SLC24A2: variants seen among roughly 807,000 people sequenced by gnomAD.
SLC24A2 encodes the protein sodium/potassium/calcium exchanger 2.
A neutral mutation model predicts 62.0 loss-of-function variants in SLC24A2; 36 were observed. The observed-to-expected ratio is 0.58, with a 90% confidence interval of 0.44 to 0.77. The LOEUF (loss-of-function observed/expected upper bound fraction) is 0.77, where lower values mean the gene tolerates loss of function less well. Ranked by LOEUF, SLC24A2 falls within the 30% of genes least tolerant of loss-of-function variation. SLC24A2 has a pLI of 0.00. For missense variants in SLC24A2, 846 were observed against 817.9 expected (o/e 1.03, Z -0.42); for synonymous variants, 358 against 294.0 (o/e 1.22, Z -2.23).
At chr9:19,848,159 T>C in the SLC24A2 span, among the ~76,000 whole-genome samples, 2 of 126,716 alleles carry the variant, frequency 1.6e-5, no homozygotes, top group African/African-American at 5.0e-5. Flanking sequence ...AATACTAAAC[T>C]TGTATAGAAG....
At chr9:19,625,408 T>C (rs1403327055) in intron 2 of SLC24A2, among the ~76,000 whole-genome samples, 2 of 152,218 alleles carry the variant, frequency 1.3e-5, no homozygotes, top group Admixed American at 6.5e-5. Context: ...TCTTTGAGGA[T>C]TGTTTAAAAG....
At chr9:20,261,281 T>C in the SLC24A2 span, among the ~76,000 whole-genome samples, 1 of 152,256 alleles carries the variant, frequency 6.6e-6, no homozygotes, top group African/African-American at 2.4e-5. Flanking sequence ...GACTTCATAA[T>C]TTAAAAAAAA....
chr9:19,697,087 C>A lies in SLC24A2; in HGVS notation c.931-74788G>T, dbSNP rs1820215239. Among the ~76,000 whole-genome samples the A allele has an allele frequency of 2.0e-5, 3 of 151,936 alleles. No homozygotes were observed. In the South Asian group the frequency reaches 6.2e-4, roughly 32 times the overall value. ...ATTTGAAATATTTAGCAGTTATGAT[C>A]CACAATAACAATTCTAGGAAATTAA... is the stretch of plus-strand genomic sequence containing the variant. On this transcript the variant is annotated intron_variant, in intron 2 of 10. Coordinates refer to ENST00000341998, the MANE Select transcript of SLC24A2 (RefSeq NM_020344.4).
chr9:19,827,196 C>T, the SLC24A2 span, among the ~76,000 whole-genome samples: 2 of 152,058 alleles, frequency 1.3e-5, no homozygotes, highest in African/African-American at 4.8e-5. Context: ...AGGAATAGGC[C>T]GTGCATCAGC....
chr9:19,732,661 C>T (rs1474657464), intron 2 of SLC24A2, among the ~76,000 whole-genome samples: 2 of 152,052 alleles, frequency 1.3e-5, no homozygotes, highest in Non-Finnish European at 2.9e-5. Flanking sequence ...GCTACCTCTC[C>T]CCCGTGTCTG....
intron 2 of SLC24A2, among the ~76,000 whole-genome samples, chr9:19,646,812 C>G (rs1182578589): frequency 1.3e-5 from 2 of 152,076 alleles, no homozygotes; most frequent in Non-Finnish European, 2.9e-5. Flanking sequence ...GTATTTCCCA[C>G]TGCAATTCCT....
At chr9:19,644,942 A>G (rs935580946) in intron 2 of SLC24A2, among the ~76,000 whole-genome samples, 9 of 152,172 alleles carry the variant, frequency 5.9e-5, no homozygotes, top group Non-Finnish European at 1.3e-4. Context: ...TCATGCATTA[A>G]GCATAAATTG....
At chr9:19,888,830 G>C in the SLC24A2 span, among the ~76,000 whole-genome samples, 1 of 152,290 alleles carries the variant, frequency 6.6e-6, no homozygotes, top group Admixed American at 6.5e-5. Context: ...ATGAAGGGTA[G>C]AATGGGACAG....
At chr9:19,844,183 A>G in the SLC24A2 span, among the ~76,000 whole-genome samples, 5 of 152,194 alleles carry the variant, frequency 3.3e-5, no homozygotes, top group Non-Finnish European at 5.9e-5. Context: ...CCTTGCCAGC[A>G]TCTGTTGTTT....
chr9:20,020,409 A>G, the SLC24A2 span, among the ~76,000 whole-genome samples: 1 of 152,226 alleles, frequency 6.6e-6, no homozygotes, highest in Non-Finnish European at 1.5e-5. Context: ...GGATGAGTTC[A>G]TGTCCTTTGC....
chr9:20,009,999 A>G, the SLC24A2 span, among the ~76,000 whole-genome samples: 1 of 152,188 alleles, frequency 6.6e-6, no homozygotes. Flanking sequence ...AATACTGTCT[A>G]GCCAGGGAAG....
At chr9:20,250,750 A>C in the SLC24A2 span, among the ~76,000 whole-genome samples, 1 of 152,192 alleles carries the variant, frequency 6.6e-6, no homozygotes, top group Non-Finnish European at 1.5e-5. Flanking sequence ...AGAAAGAGAA[A>C]TCTAAAATCT....
At chr9:19,655,978 A>C (rs1324465869) in intron 2 of SLC24A2, among the ~76,000 whole-genome samples, 1 of 152,140 alleles carries the variant, frequency 6.6e-6, no homozygotes, top group Non-Finnish European at 1.5e-5. Context: ...ACAGGTAGTC[A>C]TTTGTTCTAA....
At chr9:19,581,992 C>A (rs1390552144) in intron 5 of SLC24A2, among the ~76,000 whole-genome samples, 1 of 152,122 alleles carries the variant, frequency 6.6e-6, no homozygotes, top group African/African-American at 2.4e-5. Flanking sequence ...TCAGAAATAG[C>A]AAACTGCTCA....
At chr9:20,217,590 T>A in the SLC24A2 span, among the ~76,000 whole-genome samples, 77 of 152,314 alleles carry the variant, frequency 5.1e-4, 1 homozygote, top group African/African-American at 1.8e-3. Context: ...TTTCTTATTT[T>A]ATGGCACACA....
At chr9:19,745,470 A>G (rs771502471) in intron 2 of SLC24A2, among the ~76,000 whole-genome samples, 4 of 152,172 alleles carry the variant, frequency 2.6e-5, no homozygotes, top group Non-Finnish European at 4.4e-5. Context: ...GGGACCTGCT[A>G]GAACTGCAGA....
upstream of SLC24A2, among the ~76,000 whole-genome samples, chr9:19,792,143 G>T (rs1473663200): frequency 6.6e-6 from 1 of 152,110 alleles, no homozygotes; most frequent in Non-Finnish European, 1.5e-5. Context: ...ATCTAGGCTG[G>T]CATGATTTAA....
chr9:19,660,774 C>G (rs907771111), intron 2 of SLC24A2, among the ~76,000 whole-genome samples: 1 of 152,190 alleles, frequency 6.6e-6, no homozygotes, highest in Non-Finnish European at 1.5e-5. Context: ...ACAACCAACA[C>G]CCCCAGCTTT....
chr9:19,622,833 G>T (rs927627678), intron 2 of SLC24A2, among the ~76,000 whole-genome samples: 1 of 151,944 alleles, frequency 6.6e-6, no homozygotes, highest in Admixed American at 6.6e-5. Flanking sequence ...TGTTTTGGGG[G>T]GAGTCAGCAT....
Sources: gnomAD v4.1 joint callset for allele counts (sites outside exome capture counted in the v4.1 genomes callset) on GRCh38, gnomAD v4.1.1 for gene constraint, MANE v1.5 for transcripts, NCBI Gene and HGNC (gene_info 2026-07-23, HGNC 2026-07-21) for gene names.